Variants in KCNH1 observed in about 807,000 individuals in gnomAD.
KCNH1 encodes the protein voltage-gated delayed rectifier potassium channel KCNH1.
Under a neutral mutation model 69.2 loss-of-function variants are expected in KCNH1, and 27 were observed. That is an observed-to-expected ratio of 0.39 (90% confidence interval 0.29 to 0.54). The LOEUF (loss-of-function observed/expected upper bound fraction) is 0.54, where lower values mean the gene tolerates loss of function less well. Ranked by LOEUF, KCNH1 falls within the 20% of genes least tolerant of loss-of-function variation. The pLI is 0.68. For synonymous variants in KCNH1, 456 were observed against 487.7 expected (o/e 0.93, Z 0.86); for missense variants, 798 against 1,261.6 (o/e 0.63, Z 5.57).
At chr1:211,021,110 T>C (rs1201307566) in intron 5 of KCNH1, among the ~76,000 whole-genome samples, 1 of 151,956 alleles carries the variant, frequency 6.6e-6, no homozygotes, top group Non-Finnish European at 1.5e-5. Context: ...GCTATGGGGA[T>C]GCAAAGGCAT....
chr1:210,703,452 A>G (rs1299983492), intron 10 of KCNH1, among the ~76,000 whole-genome samples: 1 of 152,238 alleles, frequency 6.6e-6, no homozygotes, highest in Non-Finnish European at 1.5e-5. Context: ...CCTTTTGGAT[A>G]TCAGATTTCT....
chr1:210,808,974 T>G (rs2102412899), intron 7 of KCNH1, among the ~76,000 whole-genome samples: 1 of 152,242 alleles, frequency 6.6e-6, no homozygotes, highest in African/African-American at 2.4e-5. Flanking sequence ...CTTTGGGTCC[T>G]TCTATTTTCA....
At chr1:210,763,895 A>G (rs1217440119) in intron 10 of KCNH1, among the ~76,000 whole-genome samples, 2 of 152,172 alleles carry the variant, frequency 1.3e-5, no homozygotes, top group African/African-American at 4.8e-5. Context: ...GAACCAAAAA[A>G]CAGCGCAAAT....
intron 10 of KCNH1, among the ~76,000 whole-genome samples, chr1:210,733,198 C>T (rs1005154643): frequency 1.9e-4 from 29 of 151,998 alleles, no homozygotes; most frequent in Non-Finnish European, 4.0e-4. Context: ...GAATATACTT[C>T]TCAGAAAGCT....
At chr1:210,693,969 C>T (rs886616349) in intron 10 of KCNH1, among the ~76,000 whole-genome samples, 1 of 152,184 alleles carries the variant, frequency 6.6e-6, no homozygotes, top group Admixed American at 6.5e-5. Flanking sequence ...GTTTTAGGAG[C>T]CTGCTTGCCC....
chr1:210,893,752 C>T (rs186481395), intron 7 of KCNH1, among the ~76,000 whole-genome samples: 1 of 152,222 alleles, frequency 6.6e-6, no homozygotes, highest in African/African-American at 2.4e-5. Context: ...AAAGTTGTGT[C>T]ATAGCTCTTC....
intron 10 of KCNH1, among the ~76,000 whole-genome samples, chr1:210,746,314 T>C (rs1683157275): frequency 6.6e-6 from 1 of 152,198 alleles, no homozygotes; most frequent in Non-Finnish European, 1.5e-5. Flanking sequence ...AACAATTGTA[T>C]GAGTAAAGCA....
chr1:210,923,567 G>A (rs72757569), intron 6 of KCNH1, among the ~76,000 whole-genome samples: 61 of 152,364 alleles, frequency 4.0e-4, no homozygotes, highest in Admixed American at 6.5e-4. Flanking sequence ...GCACGACTGT[G>A]CCTGCTCAGA....
At chr1:210,735,191 T>C (rs543295692) in intron 10 of KCNH1, among the ~76,000 whole-genome samples, 150 of 152,236 alleles carry the variant, frequency 9.9e-4, no homozygotes, top group South Asian at 1.7e-3. Context: ...TCTGATTAGA[T>C]GCAGAAGGAG....
intron 1 of KCNH1, among the ~76,000 whole-genome samples, chr1:211,131,829 AT>A (rs34150086): frequency 3.5e-4 from 53 of 152,054 alleles, no homozygotes; most frequent in African/African-American, 1.2e-3. Context: ...AAGATGCTTC[AT>A]TTTTTTTGAT....
chr1:211,130,285 G>C (rs1165182540), intron 1 of KCNH1, among the ~76,000 whole-genome samples: 2 of 152,190 alleles, frequency 1.3e-5, no homozygotes, highest in African/African-American at 4.8e-5. Flanking sequence ...TTAAAGAACA[G>C]ATAATTATCA....
chr1:210,775,689 A>G (rs1056280113), intron 9 of KCNH1, 145 bp from the exon 10 acceptor site: 2 of 599,198 alleles, frequency 3.3e-6, no homozygotes, highest in African/African-American at 1.8e-5. Flanking sequence ...TTTAACGTGA[A>G]CCTTAATAAC....
intron 7 of KCNH1, among the ~76,000 whole-genome samples, chr1:210,907,998 T>C (rs972993476): frequency 2.0e-5 from 3 of 152,260 alleles, no homozygotes; most frequent in African/African-American, 7.2e-5. Flanking sequence ...CAAAGGAAAA[T>C]GAGGAGACGC....
chr1:210,983,914 T>C (rs570065254), intron 6 of KCNH1, among the ~76,000 whole-genome samples: 1 of 152,304 alleles, frequency 6.6e-6, no homozygotes, highest in South Asian at 2.1e-4. Context: ...GCATGGAATG[T>C]TCTTCCATTT....
chr1:210,915,280 A>G (rs1687312123), intron 7 of KCNH1, among the ~76,000 whole-genome samples: 1 of 151,630 alleles, frequency 6.6e-6, no homozygotes, highest in Non-Finnish European at 1.5e-5. Flanking sequence ...CAGACTGTCA[A>G]CTCCTTAAGA....
At chr1:210,858,952 T>G in intron 7 of KCNH1, 2 of 420,378 alleles carry the variant, frequency 4.8e-6, no homozygotes, top group Non-Finnish European at 8.5e-6. Flanking sequence ...CCCCCTAAGG[T>G]ACCTCCAATC....
At chr1:210,691,159 G>A (rs1196866179) in intron 10 of KCNH1, among the ~76,000 whole-genome samples, 2 of 152,206 alleles carry the variant, frequency 1.3e-5, no homozygotes, top group African/African-American at 4.8e-5. Context: ...CTCTTTGTGG[G>A]GGCTTGAGAT....
intron 7 of KCNH1, among the ~76,000 whole-genome samples, chr1:210,862,440 A>G (rs941199502): frequency 2.6e-5 from 4 of 152,202 alleles, no homozygotes; most frequent in African/African-American, 9.6e-5. Context: ...GGCTCAAGTG[A>G]TCCTCCCACC....
In KCNH1 at chr1:210,805,655, A is replaced by G. The variant is rs558226364; in HGVS notation, c.1463-1489T>C. 1.6e-4 allele frequency among the ~76,000 whole-genome samples: 25 copies of G among 152,358 alleles called. No individual in the cohort carries two copies. The South Asian group carries it at 3.9e-3, about 24-fold the overall frequency. On this transcript the variant is annotated intron_variant, in intron 7 of 10. Transcript: ENST00000271751. ...TAAAGTACAAAATTCAATGGTCTTCAGTATATTTACAGAGTTGTGTAACCA... is the reference window on the plus strand; with the variant it reads ...TAAAGTACAAAATTCAATGGTCTTCGGTATATTTACAGAGTTGTGTAACCA...
Sources: allele counts gnomAD v4.1 joint callset (sites outside exome capture counted in the v4.1 genomes callset), GRCh38; gene constraint gnomAD v4.1.1; transcripts MANE v1.5; gene names NCBI Gene and HGNC (gene_info 2026-07-23, HGNC 2026-07-21).